Variants in PLA1A observed in about 807,000 individuals in gnomAD.
PLA1A encodes the protein phosphatidylserine-specific phospholipase A1alpha.
PLA1A carries 47 observed loss-of-function variants against 49.4 expected under a neutral mutation model. The observed-to-expected ratio is 0.95, with a 90% CI of 0.75 to 1.21. The LOEUF (loss-of-function observed/expected upper bound fraction) is 1.21, where lower values mean the gene tolerates loss of function less well. Ranked by LOEUF, PLA1A falls within the 50% of genes most tolerant of loss-of-function variation. The pLI is 0.00. For synonymous variants in PLA1A, 224 were observed against 207.9 expected, an observed-to-expected ratio of 1.08 and a Z score of -0.67; for missense variants, 561 against 563.9, an observed-to-expected ratio of 0.99 and a Z score of 0.05.
chr3:119,620,996 T>TC (rs2082921508), intron 8 of PLA1A, among the ~76,000 whole-genome samples: 1 of 152,216 alleles, frequency 6.6e-6, no homozygotes, highest in Non-Finnish European at 1.5e-5. Flanking sequence ...GAACCTGCTG[T>TC]CCGCAGGCCG....
intron 2 of PLA1A, among the ~76,000 whole-genome samples, chr3:119,608,017 C>T (rs2082711538): frequency 6.6e-6 from 1 of 152,120 alleles, no homozygotes; most frequent in Non-Finnish European, 1.5e-5. Flanking sequence ...CTGGAAAAGT[C>T]CCACTATACA....
chr3:119,624,379 C>T (rs1281994723), intron 8 of PLA1A, among the ~76,000 whole-genome samples: 2 of 152,188 alleles, frequency 1.3e-5, no homozygotes, highest in African/African-American at 4.8e-5. Context: ...GGCCCCACCT[C>T]TCAGTACTGT....
At chr3:119,611,904 T>C (rs2082768363) in intron 4 of PLA1A, among the ~76,000 whole-genome samples, 1 of 152,210 alleles carries the variant, frequency 6.6e-6, no homozygotes, top group African/African-American at 2.4e-5. Context: ...TCAGCCTCAC[T>C]TTCTACATCT....
intron 9 of PLA1A, among the ~76,000 whole-genome samples, chr3:119,627,176 T>G (rs1432824323): frequency 6.6e-6 from 1 of 152,200 alleles, no homozygotes; most frequent in African/African-American, 2.4e-5. Context: ...GAGGTTCACA[T>G]AACTCTTTTG....
chr3:119,606,991 C>A lies in PLA1A; in HGVS notation c.275+16C>A, dbSNP rs1187891918. 2 of 1,585,868 alleles carry A rather than the reference C, an allele frequency of 1.3e-6. No individual in the cohort carries two copies. Among genetic ancestry groups the A allele is most frequent in the Non-Finnish European group, 1.7e-6 (2 of 1,154,396 alleles). On this transcript the variant is annotated intron_variant, in intron 2 of 10. Coordinates refer to ENST00000273371, the MANE Select transcript of PLA1A (RefSeq NM_015900.4). ...ATGGATTCAGGTGGGAGTTAAATAA[C>A]CAACAGGACTTCTCAACTAAGAATG...
chr3:119,619,624 CCTGA>C lies in PLA1A; in HGVS notation c.987_990del (p.Thr330LeufsTer17). ...TCCCCAAGGAAGTGAAAGTCTACCT[CCTGA>C]CTACTTCCAGTGCTCCGTACTGCAG... On this transcript the variant is annotated frameshift_variant, in exon 8 of 11. Coordinates refer to ENST00000273371, the MANE Select transcript of PLA1A (RefSeq NM_015900.4). LOFTEE classifies it high-confidence loss of function. The C allele has an allele frequency of 2.5e-6, 4 of 1,612,774 alleles. No homozygotes were observed. The highest frequency in any genetic ancestry group is 3.4e-6 in the Non-Finnish European group (4 of 1,178,756).
intron 7 of PLA1A, among the ~76,000 whole-genome samples, chr3:119,618,472 C>A (rs191549296): frequency 6.6e-6 from 1 of 152,322 alleles, no homozygotes; most frequent in East Asian, 1.9e-4. Flanking sequence ...GCCTATAGGT[C>A]TTTCTCACTT....
intron 5 of PLA1A, among the ~76,000 whole-genome samples, chr3:119,615,011 G>A (rs2082826205): frequency 6.6e-6 from 1 of 151,372 alleles, no homozygotes; most frequent in African/African-American, 2.5e-5. Context: ...ATGTTTTGGA[G>A]GTAGAGCTGA....
intron 4 of PLA1A, among the ~76,000 whole-genome samples, chr3:119,611,832 T>C (rs952674769): frequency 2.6e-5 from 4 of 152,234 alleles, no homozygotes; most frequent in Non-Finnish European, 5.9e-5. Context: ...CCTATTTAGA[T>C]GCCTTTTATT....
rs1202782429 is a variant in PLA1A at position 119,616,010 on chromosome 3, A to C, written c.665-2A>C. The C allele has an allele frequency of 6.2e-7, 1 of 1,605,050 alleles. No individual in the cohort carries two copies. The highest frequency in any genetic ancestry group is 8.5e-7 in the Non-Finnish European group (1 of 1,171,846). On this transcript the variant is annotated splice_acceptor_variant, in intron 5 of 10. Coordinates refer to ENST00000273371, the MANE Select transcript of PLA1A (RefSeq NM_015900.4). LOFTEE classifies it high-confidence loss of function. Reference sequence around the variant, plus strand: ...AGTTAATGGAGTTGTGCCTCCTTTCAGATTTGGGTATTCGGATTCCCGTTG... The same window carrying C: ...AGTTAATGGAGTTGTGCCTCCTTTCCGATTTGGGTATTCGGATTCCCGTTG...
chr3:119,599,234 C>G (rs1484663825), intron 1 of PLA1A, among the ~76,000 whole-genome samples: 1 of 152,170 alleles, frequency 6.6e-6, no homozygotes, highest in Non-Finnish European at 1.5e-5. Flanking sequence ...GCTGTAAGGA[C>G]TGAATGGGAT....
chr3:119,613,960 A>G (rs980702957), intron 5 of PLA1A, among the ~76,000 whole-genome samples: 2 of 152,026 alleles, frequency 1.3e-5, no homozygotes, highest in African/African-American at 4.8e-5. Flanking sequence ...CCATCTCTCA[A>G]CCCGTTATGA....
intron 9 of PLA1A, among the ~76,000 whole-genome samples, chr3:119,627,831 C>T (rs544132301): frequency 5.9e-5 from 9 of 152,320 alleles, no homozygotes; most frequent in African/African-American, 1.4e-4. Flanking sequence ...TTGCACTCAG[C>T]GTGAAGACTT....
chr3:119,622,149 GGAAGAAGAAGAAGAAGAAGAA>G (rs59447645), intron 8 of PLA1A, among the ~76,000 whole-genome samples: 371 of 126,276 alleles, frequency 2.9e-3, no homozygotes, highest in Non-Finnish European at 3.9e-3. Flanking sequence ...AGGAGGAGGA[GGAAGAAGAAGAAGAAGAAGAA>G]GAAGAAGAAG....
Position 119,606,756 on chromosome 3 carries a change from T to G in PLA1A, c.74-18T>G. The G allele has an allele frequency of 6.2e-7, 1 of 1,606,576 alleles. No homozygotes were observed. Reference sequence around the variant, plus strand: ...ACCTCACCTTGGATGTTGCTTGTTTTGTTTTGTTTTCCTCCAGGGGATGCA... The same window carrying G: ...ACCTCACCTTGGATGTTGCTTGTTTGGTTTTGTTTTCCTCCAGGGGATGCA... On this transcript the variant is annotated intron_variant, in intron 1 of 10. Coordinates refer to ENST00000273371, the MANE Select transcript of PLA1A (RefSeq NM_015900.4).
At chr3:119,602,724 A>G (rs1423420256) in intron 1 of PLA1A, among the ~76,000 whole-genome samples, 2 of 152,312 alleles carry the variant, frequency 1.3e-5, no homozygotes, top group Middle Eastern at 3.4e-3. Context: ...GAAAATAAGT[A>G]TAATAACTTG....
intron 1 of PLA1A, chr3:119,598,574 A>G (rs751206323): frequency 1.3e-5 from 2 of 152,232 alleles, no homozygotes; most frequent in Non-Finnish European, 2.9e-5. Flanking sequence ...CAGAAAATTA[A>G]CCTGCTCTAC....
intron 8 of PLA1A, among the ~76,000 whole-genome samples, chr3:119,624,243 C>G (rs936480752): frequency 6.6e-6 from 1 of 152,186 alleles, no homozygotes; most frequent in Admixed American, 6.5e-5. Flanking sequence ...GGGACAGATA[C>G]CGTGTTCACA....
At chr3:119,601,783 T>C (rs991258829) in intron 1 of PLA1A, among the ~76,000 whole-genome samples, 1 of 152,256 alleles carries the variant, frequency 6.6e-6, no homozygotes, top group Non-Finnish European at 1.5e-5. Flanking sequence ...CTGTTCTAAA[T>C]GGAATACTTC....
Sources: allele counts gnomAD v4.1 joint callset (sites outside exome capture counted in the v4.1 genomes callset), GRCh38; gene constraint gnomAD v4.1.1; transcripts MANE v1.5; gene names NCBI Gene and HGNC (gene_info 2026-07-23, HGNC 2026-07-21).